The following B4GALNT3 variants were observed in gnomAD, a reference collection of about 807,000 sequenced individuals.
B4GALNT3 encodes the protein beta-1,4-N-acetyl-galactosaminyltransferase 3, also known as beta-1,4-N-acetylgalactosaminyltransferase 3.
A neutral mutation model predicts 120.2 loss-of-function variants in B4GALNT3; 86 were observed. The ratio of observed to expected loss-of-function variants is 0.72; its 90% CI spans 0.60 to 0.86. The LOEUF is 0.86. B4GALNT3 is among the 40% of genes least tolerant of loss of function. The pLI is 0.00. For synonymous variants in B4GALNT3, 518 were observed against 510.4 expected (o/e 1.01, Z -0.20); for missense variants, 1,167 against 1,298.9 (o/e 0.90, Z 1.56).
At chr12:530,680 A>G (rs1946797906) in intron 1 of B4GALNT3, among the ~76,000 whole-genome samples, 1 of 152,236 alleles carries the variant, frequency 6.6e-6, no homozygotes, top group South Asian at 2.1e-4. Flanking sequence ...AAAATGGAGA[A>G]GACAACACTT....
intron 1 of B4GALNT3, among the ~76,000 whole-genome samples, chr12:496,674 G>C (rs113642844): frequency 3.3e-5 from 5 of 152,274 alleles, no homozygotes; most frequent in South Asian, 2.1e-4. Context: ...CGTCACCTCT[G>C]TCTAGTTCCC....
intron 1 of B4GALNT3, among the ~76,000 whole-genome samples, chr12:534,672 C>G (rs1045356421): frequency 3.3e-5 from 5 of 152,234 alleles, no homozygotes; most frequent in Non-Finnish European, 7.3e-5. Flanking sequence ...CAGGCCCACT[C>G]TTTCCTGCCT....
chr12:554,726 C>G (rs1249749093), intron 14 of B4GALNT3, among the ~76,000 whole-genome samples: 3 of 120,218 alleles, frequency 2.5e-5, no homozygotes, highest in African/African-American at 9.7e-5. Context: ...GGAGGCGGAG[C>G]TTGCAGTGAG....
intron 3 of B4GALNT3, among the ~76,000 whole-genome samples, chr12:536,929 A>G (rs138371216): frequency 2.0e-5 from 3 of 152,354 alleles, no homozygotes; most frequent in East Asian, 3.8e-4. Context: ...CTTAAATCCC[A>G]TAAGATATTC....
At chr12:547,817 G>T (rs1947027151) in intron 7 of B4GALNT3, among the ~76,000 whole-genome samples, 1 of 152,184 alleles carries the variant, frequency 6.6e-6, no homozygotes, top group Non-Finnish European at 1.5e-5. Context: ...GAGGTACTCT[G>T]ATTATGCCCA....
chr12:464,798 T>C (rs1006653398), intron 1 of B4GALNT3, among the ~76,000 whole-genome samples: 21 of 152,184 alleles, frequency 1.4e-4, no homozygotes, highest in Non-Finnish European at 2.9e-5. Flanking sequence ...CAGGAAGCCG[T>C]TGGCTTTCGC....
At chr12:501,993 G>A (rs942760554) in intron 1 of B4GALNT3, among the ~76,000 whole-genome samples, 6 of 152,118 alleles carry the variant, frequency 3.9e-5, no homozygotes, top group African/African-American at 1.4e-4. Flanking sequence ...CCTTCCCCTC[G>A]CCCTTTATTG....
At chr12:559,575 G>A (rs574940068) in intron 19 of B4GALNT3, among the ~76,000 whole-genome samples, 154 bp downstream of exon 19, 30 of 152,210 alleles carry the variant, frequency 2.0e-4, no homozygotes, top group Admixed American at 4.6e-4. Flanking sequence ...TCAAATCACC[G>A]GCCTCGCTGG....
At chr12:549,183 AAAG>A (rs1273914017) in intron 9 of B4GALNT3, among the ~76,000 whole-genome samples, 1 of 152,178 alleles carries the variant, frequency 6.6e-6, no homozygotes, top group Non-Finnish European at 1.5e-5. Context: ...GACAGAGAGC[AAAG>A]AAGCAGCCAG....
chr12:500,168 G>C (rs950299317), intron 1 of B4GALNT3, among the ~76,000 whole-genome samples: 25 of 152,024 alleles, frequency 1.6e-4, no homozygotes, highest in Admixed American at 5.9e-4. Context: ...TTAAGAGTTG[G>C]GGTCTTGCTC....
At chr12:542,653 A>C (rs200649369) in intron 3 of B4GALNT3, among the ~76,000 whole-genome samples, 2 of 152,006 alleles carry the variant, frequency 1.3e-5, no homozygotes, top group East Asian at 3.9e-4. Context: ...CCTGCCACCC[A>C]CTCAGAGTGC....
At chr12:539,304 A>G (rs1946891993) in intron 3 of B4GALNT3, among the ~76,000 whole-genome samples, 1 of 152,188 alleles carries the variant, frequency 6.6e-6, no homozygotes, top group African/African-American at 2.4e-5. Flanking sequence ...CAATCTGTTC[A>G]TGTGTTGGTA....
intron 1 of B4GALNT3, among the ~76,000 whole-genome samples, chr12:534,387 C>T (rs536027261): frequency 2.0e-5 from 3 of 152,230 alleles, no homozygotes; most frequent in African/African-American, 4.8e-5. Context: ...AGTGGCCGGC[C>T]GCCGGACTGA....
chr12:559,452 C>T (rs778391647), intron 19 of B4GALNT3, 31 bp downstream of exon 19: 7 of 1,609,924 alleles, frequency 4.3e-6, no homozygotes, highest in Middle Eastern at 3.3e-4. Context: ...ATCCACGAGG[C>T]CTGGGAATTC....
At position 540,213 on chromosome 12, in the gene B4GALNT3, C is replaced by T. The variant is rs564184024; in HGVS notation, c.351+3918C>T. On this transcript the variant is annotated intron_variant, in intron 3 of 19. Transcript: ENST00000266383. The stretch of plus-strand genomic sequence containing the variant: ...TGCCTGCCTTCGTGCGCCTCTGAAC[C>T]TCGTACCTCTGCCAGAGCCCCTGGC... Among the ~76,000 whole-genome samples, 473 of 152,332 alleles carry T rather than the reference C, an allele frequency of 3.1e-3. 2 individuals carry two copies. The highest frequency in any genetic ancestry group is 4.9e-3 in the Non-Finnish European group (330 of 68,032).
At chr12:552,333 A>ACC (rs1947093685) in intron 12 of B4GALNT3, 134 bp from the exon 13 acceptor site, 3 of 810,422 alleles carry the variant, frequency 3.7e-6, no homozygotes, top group Non-Finnish European at 6.1e-6. Context: ...ACACACACAC[A>ACC]CACCCGCTCA....
intron 1 of B4GALNT3, among the ~76,000 whole-genome samples, chr12:473,888 A>G (rs894583046): frequency 7.9e-5 from 12 of 152,176 alleles, no homozygotes; most frequent in African/African-American, 2.9e-4. Flanking sequence ...GGGAAGAAAA[A>G]GAAGCAATAA....
In B4GALNT3 at chr12:545,402, A is replaced by T; in HGVS notation, c.572A>T (p.Asn191Ile). Residue 191 changes from asparagine to isoleucine, a missense_variant, in exon 6 of 20, where the codon AAC becomes ATC. Physicochemically the swap from Asn to Ile is moderately radical, Grantham distance 149. Coordinates refer to ENST00000266383, the MANE Select transcript of B4GALNT3 (RefSeq NM_173593.4). ...CAGTTTGCCATTGCTGCAGATGACA[A>T]CGCGGAGTTCTGGCTGAGCCTCGAT... is the stretch of plus-strand genomic sequence containing the variant. ...KIQFAIAADD[N>I]AEFWLSLDDQ... 1 of 1,612,068 alleles carries T rather than the reference A, an allele frequency of 6.2e-7. No homozygotes were observed. The highest frequency in any genetic ancestry group is 8.5e-7 in the Non-Finnish European group (1 of 1,179,562).
At chr12:509,696 G>A (rs1309366400) in intron 1 of B4GALNT3, among the ~76,000 whole-genome samples, 1 of 152,166 alleles carries the variant, frequency 6.6e-6, no homozygotes, top group Admixed American at 6.5e-5. Flanking sequence ...CTGGATTCCA[G>A]ACTGTCAGGA....
Sources: allele counts gnomAD v4.1 joint callset (sites outside exome capture counted in the v4.1 genomes callset), GRCh38; gene constraint gnomAD v4.1.1; transcripts MANE v1.5; gene names NCBI Gene and HGNC (gene_info 2026-07-23, HGNC 2026-07-21).